PHLPP1: variants seen among roughly 807,000 people sequenced by gnomAD.
The protein encoded by PHLPP1 is PH domain leucine-rich repeat-containing protein phosphatase 1.
In PHLPP1, 42 loss-of-function variants were observed where a neutral mutation model predicts 117.2. That is an observed-to-expected ratio of 0.36 (90% CI 0.28 to 0.46). The LOEUF (loss-of-function observed/expected upper bound fraction) is 0.46. Among genes scored for constraint, PHLPP1 ranks in the 20% least tolerant of loss-of-function variants. PHLPP1 has a pLI of 1.00. For synonymous variants in PHLPP1, 1,042 were observed against 970.7 expected, an observed-to-expected ratio of 1.07 and a Z score of -1.37; for missense variants, 2,084 against 2,241.9, an observed-to-expected ratio of 0.93 and a Z score of 1.42.
intron 1 of PHLPP1, among the ~76,000 whole-genome samples, chr18:62,828,287 C>G (rs7227098): frequency 0.2 from 30,521 of 152,112 alleles, 4,341 homozygotes; most frequent in African/African-American, 0.41. Flanking sequence ...CAGAATGGGA[C>G]ATGTGAATCA....
rs66530466 is a variant in PHLPP1, at chr18:62,940,354, C to CTTTTTTTTTTTTTTTTTTTTTTT, written c.2961-1358_2961-1336dup. On this transcript the variant is annotated intron_variant, in intron 10 of 16. Transcript: ENST00000262719. Reference sequence around the variant, plus strand: ...ATCCACGTTTCTTTTTCTTTCTTTTCTTTTTTTTTTTTTTTTTTTTTTTTT... The same window carrying CTTTTTTTTTTTTTTTTTTTTTTT: ...ATCCACGTTTCTTTTTCTTTCTTTTCTTTTTTTTTTTTTTTTTTTTTTTTTTTTTTTTTTTTTTTTTTTTTTTT... Among the ~76,000 whole-genome samples the CTTTTTTTTTTTTTTTTTTTTTTT allele has an allele frequency of 4.7e-4, 22 of 46,814 alleles. 4 individuals are homozygous for CTTTTTTTTTTTTTTTTTTTTTTT. Among genetic ancestry groups the CTTTTTTTTTTTTTTTTTTTTTTT allele is most frequent in the Non-Finnish European group, 5.5e-4 (15 of 27,316 alleles). The allele number at this position is 46,814 out of a possible 152,430, so 30.7% of individuals were successfully genotyped here.
intron 1 of PHLPP1, among the ~76,000 whole-genome samples, chr18:62,822,265 GTTTTTT>G (rs56800588): frequency 1.7e-5 from 2 of 116,178 alleles, no homozygotes; most frequent in African/African-American, 2.9e-5. Flanking sequence ...AGAAAATAGT[GTTTTTT>G]TTTTTTTTGT....
intron 1 of PHLPP1, among the ~76,000 whole-genome samples, chr18:62,799,509 C>T (rs576303732): frequency 3.3e-5 from 5 of 152,206 alleles, no homozygotes; most frequent in Non-Finnish European, 7.3e-5. Context: ...CTATGCCTTA[C>T]ATTAGGAAAC....
chr18:62,883,209 A>G (rs189068705), intron 4 of PHLPP1, among the ~76,000 whole-genome samples: 4 of 152,190 alleles, frequency 2.6e-5, no homozygotes, highest in Admixed American at 2.6e-4. Context: ...AAAGGAAGAG[A>G]TTGCCAAATA....
chr18:62,716,872 C>T lies in PHLPP1; in HGVS notation c.1189C>T (p.Pro397Ser). The change falls in exon 1 of 17, where the codon CCC (proline) becomes TCC (serine). Residue 397 changes from proline (P) to serine (S), a missense_variant. This residue lies in a region of PHLPP1 where 719 missense variants were observed against 636.0 expected (regional missense o/e 1.13). Coordinates refer to ENST00000262719, the MANE Select transcript of PHLPP1 (RefSeq NM_194449.4). This position sits in a 1 kb window ranked among gnomAD's most constrained non-coding sequence, Gnocchi z 5.7. Reference sequence around the variant, plus strand: ...GGGGGTCCCGGGCCAGCCCCGCCGTCCCGGCCACCCCGCGCAGCCCCTCCC... The same window carrying T: ...GGGGGTCCCGGGCCAGCCCCGCCGTTCCGGCCACCCCGCGCAGCCCCTCCC... ...PTGVPGQPRR[P>S]GHPAQPLPLP... 1 of 1,524,054 alleles carries T rather than the reference C, an allele frequency of 6.6e-7. No individual in the cohort carries two copies. The highest frequency in any genetic ancestry group is 8.8e-7 in the Non-Finnish European group (1 of 1,141,860). The allele number at this position is 1,524,054 out of a possible 1,614,324, so 94.4% of individuals were successfully genotyped here.
intron 8 of PHLPP1, among the ~76,000 whole-genome samples, chr18:62,907,453 GT>G (rs1916881700): frequency 2.4e-5 from 1 of 41,252 alleles, no homozygotes; most frequent in Non-Finnish European, 5.1e-5. Flanking sequence ...ATACAGAGAA[GT>G]GCTTAAAGGA....
chr18:62,954,359 A>T (rs1254510679), intron 12 of PHLPP1, among the ~76,000 whole-genome samples: 1 of 152,272 alleles, frequency 6.6e-6, no homozygotes, highest in African/African-American at 2.4e-5. Flanking sequence ...AGAAAGTTGT[A>T]GTACACTAAC....
intron 3 of PHLPP1, among the ~76,000 whole-genome samples, chr18:62,851,939 CA>C (rs1435439838): frequency 1.3e-5 from 2 of 151,990 alleles, no homozygotes; most frequent in Non-Finnish European, 1.5e-5. Flanking sequence ...GGCAGTGGCA[CA>C]ATCATAGTTC....
intron 2 of PHLPP1, among the ~76,000 whole-genome samples, chr18:62,833,935 C>T (rs1211573109): frequency 6.6e-6 from 1 of 152,108 alleles, no homozygotes; most frequent in Non-Finnish European, 1.5e-5. Flanking sequence ...GCTGAAGGGA[C>T]ATTTGGTTAT....
chr18:62,913,345 G>C (rs904031837), intron 8 of PHLPP1, among the ~76,000 whole-genome samples: 5 of 151,772 alleles, frequency 3.3e-5, no homozygotes, highest in African/African-American at 1.2e-4. Flanking sequence ...TTCAAATCCA[G>C]AACTGTATGT....
intron 3 of PHLPP1, chr18:62,839,744 ATATAATATAATATATAAT>A (rs1915004868): frequency 6.9e-6 from 1 of 145,234 alleles, no homozygotes; most frequent in Non-Finnish European, 1.5e-5. Flanking sequence ...ATATGTATAT[ATATAATATAATATATAAT>A]TATATATAAT....
intron 1 of PHLPP1, among the ~76,000 whole-genome samples, chr18:62,786,644 C>G (rs1485462103): frequency 6.6e-6 from 1 of 152,128 alleles, no homozygotes; most frequent in East Asian, 1.9e-4. Context: ...GTTTACAAAG[C>G]AAATGAATAA....
At chr18:62,798,439 G>A (rs1359630594) in intron 1 of PHLPP1, among the ~76,000 whole-genome samples, 1 of 152,098 alleles carries the variant, frequency 6.6e-6, no homozygotes, top group Non-Finnish European at 1.5e-5. Context: ...AGTCTACACT[G>A]ATATATCTTA....
intron 1 of PHLPP1, among the ~76,000 whole-genome samples, chr18:62,820,129 C>G (rs1914405267): frequency 6.6e-6 from 1 of 152,108 alleles, no homozygotes; most frequent in Non-Finnish European, 1.5e-5. Flanking sequence ...ATAAAGCAAT[C>G]CATACATCAA....
chr18:62,968,607 G>C (rs918694937), intron 14 of PHLPP1, among the ~76,000 whole-genome samples: 6 of 134,314 alleles, frequency 4.5e-5, no homozygotes, highest in African/African-American at 1.7e-4. Context: ...GCACAATCTC[G>C]GTTCACTGCA....
chr18:62,882,026 T>G (rs2069091166), intron 4 of PHLPP1, among the ~76,000 whole-genome samples: 1 of 152,208 alleles, frequency 6.6e-6, no homozygotes, highest in Non-Finnish European at 1.5e-5. Context: ...CTTCCTTTCC[T>G]CATCCAGGAA....
chr18:62,725,609 T>C (rs1456030486), intron 1 of PHLPP1, among the ~76,000 whole-genome samples: 1 of 141,776 alleles, frequency 7.1e-6, no homozygotes, highest in African/African-American at 2.5e-5. Context: ...TTGAATACTT[T>C]CTCTCTCTCT....
intron 1 of PHLPP1, chr18:62,779,383 C>T (rs1599043295): frequency 6.6e-6 from 1 of 152,264 alleles, no homozygotes; most frequent in East Asian, 1.9e-4. Flanking sequence ...ACTTGTCACC[C>T]TGCCTCTTGT....
At position 62,741,396 on chromosome 18, in the gene PHLPP1, T is replaced by C. The variant is rs375986773; in HGVS notation, c.1576+24137T>C. On this transcript the variant is annotated intron_variant, in intron 1 of 16. Coordinates refer to ENST00000262719, the MANE Select transcript of PHLPP1 (RefSeq NM_194449.4). Reference sequence around the variant, plus strand: ...CCTGAGTCTACTTAGTCAATTCAGATGTGGAGTGCTTGCTTCCCAAGGTAT... The same window carrying C: ...CCTGAGTCTACTTAGTCAATTCAGACGTGGAGTGCTTGCTTCCCAAGGTAT... Among the ~76,000 whole-genome samples, 10 of 152,264 alleles carry C rather than the reference T, an allele frequency of 6.6e-5. No individual in the cohort carries two copies. The South Asian group carries it at 2.1e-3, about 32-fold the overall frequency.
Sources: allele counts gnomAD v4.1 joint callset (sites outside exome capture counted in the v4.1 genomes callset), GRCh38; gene constraint gnomAD v4.1.1; regional missense constraint gnomAD v4.1.1; non-coding constraint Gnocchi (gnomAD v3.1); transcripts MANE v1.5; gene names NCBI Gene and HGNC (gene_info 2026-07-23, HGNC 2026-07-21).